The following CA8 variants were observed in gnomAD, a reference collection of about 807,000 sequenced individuals.
The protein encoded by CA8 is carbonic anhydrase-related protein.
CA8 carries 22 observed loss-of-function variants against 41.4 expected under a neutral mutation model. That is an observed-to-expected ratio of 0.53 (90% CI 0.38 to 0.76). The LOEUF (loss-of-function observed/expected upper bound fraction) is 0.76. Ranked by LOEUF, CA8 falls within the 30% of genes least tolerant of loss-of-function variation. CA8 has a pLI of 0.00. For synonymous variants in CA8, 121 were observed against 130.6 expected (o/e 0.93, Z 0.50); for missense variants, 270 against 352.8 (o/e 0.77, Z 1.88).
chr8:60,258,004 T>C (rs1803606415), intron 3 of CA8, among the ~76,000 whole-genome samples: 1 of 152,202 alleles, frequency 6.6e-6, no homozygotes, highest in South Asian at 2.1e-4. Flanking sequence ...ATTGCAGAAA[T>C]AAACAGTTCA....
chr8:60,222,337 CAG>C lies in CA8; in HGVS notation c.738+310_738+311del, dbSNP rs5891755. Among the ~76,000 whole-genome samples, 31,411 of 152,214 alleles carry C rather than the reference CAG, an allele frequency of 0.21. 3,935 individuals carry two copies. Among genetic ancestry groups the C allele is most frequent in the East Asian group, 0.31 (1,587 of 5,176 alleles). ...ATAACCGGCATCCCCACTTTACGTC[CAG>C]ACTTTCCATTCTCCACACCTGGGGA... On this transcript the variant is annotated intron_variant, in intron 7 of 8. Coordinates refer to ENST00000317995, the MANE Select transcript of CA8 (RefSeq NM_004056.6).
At chr8:60,195,076 C>T (rs374020193) in intron 8 of CA8, among the ~76,000 whole-genome samples, 1 of 152,172 alleles carries the variant, frequency 6.6e-6, no homozygotes, top group African/African-American at 2.4e-5. Flanking sequence ...GAAGTTAAGG[C>T]TGAACTCCTC....
At chr8:60,260,267 A>C (rs1803687507) in intron 3 of CA8, among the ~76,000 whole-genome samples, 1 of 152,068 alleles carries the variant, frequency 6.6e-6, no homozygotes, top group Admixed American at 6.6e-5. Context: ...CTATCTACTA[A>C]ATCCACCACC....
At chr8:60,277,114 G>T (rs1345152374) in intron 2 of CA8, among the ~76,000 whole-genome samples, 2 of 106,758 alleles carry the variant, frequency 1.9e-5, no homozygotes, top group Admixed American at 1.1e-4. Flanking sequence ...GCGAGACTCT[G>T]TCTCAAAAGA....
Position 60,208,915 on chromosome 8 carries a change from T to A in CA8, c.743A>T (p.Glu248Val). The change falls in exon 8 of 9, where the codon GAA (glutamate) becomes GTA (valine). Residue 248 changes from glutamate to valine, a missense_variant. By Grantham distance (121) the Glu-to-Val change is moderately radical (BLOSUM62 -2). Transcript: ENST00000317995. ...YPLTISQLQIEEFRRLRTHVK... is the reference protein window; with the variant it reads ...YPLTISQLQIVEFRRLRTHVK... ...ATGTGTCCTCAGCCTTCGAAATTCT[T>A]CTATCTGAAAATAAAAGCAGAAGAA... 6.2e-7 allele frequency: 1 copy of A among 1,614,098 alleles called. No homozygotes were observed. Among genetic ancestry groups the A allele is most frequent in the Non-Finnish European group, 8.5e-7 (1 of 1,179,978 alleles).
chr8:60,276,069 C>T (rs1804223256), intron 2 of CA8, among the ~76,000 whole-genome samples: 1 of 152,200 alleles, frequency 6.6e-6, no homozygotes, highest in African/African-American at 2.4e-5. Context: ...TCACTTGCCC[C>T]TTTTCTCAGG....
chr8:60,190,938 C>CTATATATATATATATATATATA (rs35486936), intron 8 of CA8, among the ~76,000 whole-genome samples: 78 of 117,204 alleles, frequency 6.7e-4, no homozygotes, highest in African/African-American at 9.6e-4. Context: ...CACACACACA[C>CTATATATATATATATATATATA]TATATATATA....
intron 4 of CA8, among the ~76,000 whole-genome samples, chr8:60,232,067 G>A (rs1015089873): frequency 2.0e-5 from 3 of 152,050 alleles, no homozygotes; most frequent in African/African-American, 7.2e-5. Context: ...ATGCTACTCT[G>A]AAGAAAATTT....
chr8:60,234,640 C>T (rs1259526207), intron 3 of CA8, among the ~76,000 whole-genome samples: 1 of 152,174 alleles, frequency 6.6e-6, no homozygotes, highest in Non-Finnish European at 1.5e-5. Context: ...CAGAAGGTTG[C>T]TATGACCCCC....
intron 8 of CA8, among the ~76,000 whole-genome samples, chr8:60,196,607 T>G (rs1328309485): frequency 6.6e-6 from 1 of 152,192 alleles, no homozygotes; most frequent in East Asian, 1.9e-4. Context: ...GATTCAATAT[T>G]GTAAGGTATT....
intron 8 of CA8, among the ~76,000 whole-genome samples, chr8:60,195,862 A>G (rs950637804): frequency 1.3e-5 from 2 of 152,178 alleles, no homozygotes; most frequent in Admixed American, 1.3e-4. Flanking sequence ...GCATCGGGTC[A>G]TGAGAGAAGG....
Position 60,226,869 on chromosome 8 carries a change from T to C in CA8, c.576+4A>G. 1 of 1,550,698 alleles carries C rather than the reference T, an allele frequency of 6.4e-7. No individual in the cohort carries two copies. Among genetic ancestry groups the C allele is most frequent in the Non-Finnish European group, 8.9e-7 (1 of 1,122,444 alleles). ...TTTCTATATTATTTTAAATAATGAC[T>C]TACCTTATACTGAATATCTTGGAGG... On this transcript the variant is annotated splice_donor_region_variant and intron_variant, in intron 5 of 8. Coordinates refer to ENST00000317995, the MANE Select transcript of CA8 (RefSeq NM_004056.6).
intron 3 of CA8, among the ~76,000 whole-genome samples, chr8:60,249,089 A>G (rs570439046): frequency 1.3e-5 from 2 of 152,278 alleles, no homozygotes; most frequent in South Asian, 4.2e-4. Context: ...TCAATGTTAC[A>G]GTAAATTATA....
At chr8:60,203,244 G>T (rs928037830) in intron 8 of CA8, among the ~76,000 whole-genome samples, 4 of 152,038 alleles carry the variant, frequency 2.6e-5, no homozygotes, top group Admixed American at 6.6e-5. Flanking sequence ...AAAACAAATT[G>T]TCAAGGTGCT....
chr8:60,222,427 C>T (rs1429029145), intron 7 of CA8, among the ~76,000 whole-genome samples: 1 of 152,194 alleles, frequency 6.6e-6, no homozygotes, highest in Non-Finnish European at 1.5e-5. Flanking sequence ...TTTCTATTAA[C>T]TCTCTAAAGA....
chr8:60,226,809 G>A (rs1032520324), intron 5 of CA8, 64 bp downstream of exon 5: 31 of 885,180 alleles, frequency 3.5e-5, no homozygotes, highest in South Asian at 9.5e-5. Flanking sequence ...CATCGAGCCC[G>A]CAGGTGGTCA....
chr8:60,276,416 G>T (rs967183115), intron 2 of CA8, among the ~76,000 whole-genome samples: 3 of 152,112 alleles, frequency 2.0e-5, no homozygotes, highest in African/African-American at 7.2e-5. Context: ...CCTAAGAGAA[G>T]ATCCGTCATA....
chr8:60,215,799 C>A (rs1291811493), intron 7 of CA8, among the ~76,000 whole-genome samples: 1 of 152,136 alleles, frequency 6.6e-6, no homozygotes, highest in Non-Finnish European at 1.5e-5. Flanking sequence ...CACTACACTT[C>A]AGCTGAAGTC....
At chr8:60,198,831 C>T (rs1364196933) in intron 8 of CA8, among the ~76,000 whole-genome samples, 1 of 152,110 alleles carries the variant, frequency 6.6e-6, no homozygotes, top group Non-Finnish European at 1.5e-5. Context: ...ATGTTCCATA[C>T]ACAACTAATT....
Sources: gnomAD v4.1 joint callset for allele counts (sites outside exome capture counted in the v4.1 genomes callset) on GRCh38, gnomAD v4.1.1 for gene constraint, MANE v1.5 for transcripts, NCBI Gene and HGNC (gene_info 2026-07-23, HGNC 2026-07-21) for gene names.